The following PTPRG variants were observed in gnomAD, a reference collection of about 807,000 sequenced individuals.
PTPRG encodes the protein protein tyrosine phosphatase receptor type G.
In PTPRG, 102 loss-of-function variants were observed where a neutral mutation model predicts 165.3. That is an observed-to-expected ratio of 0.62 (90% CI 0.53 to 0.73). The LOEUF (loss-of-function observed/expected upper bound fraction) is 0.73. Among genes scored for constraint, PTPRG ranks in the 30% least tolerant of loss-of-function variants. The pLI, the probability that PTPRG is intolerant of heterozygous loss-of-function variation, is 0.00. For synonymous variants in PTPRG, 675 were observed against 669.5 expected (o/e 1.01, Z -0.13); for missense variants, 1,866 against 1,861.4 (o/e 1.00, Z -0.05).
intron 1 of PTPRG, among the ~76,000 whole-genome samples, chr3:61,671,968 T>A (rs200026358): frequency 3.6e-5 from 1 of 27,746 alleles, no homozygotes; most frequent in Admixed American, 3.9e-4. Context: ...CCAGACGGGG[T>A]GGCTGCTGGG....
At chr3:61,943,225 A>C (rs191136476) in intron 2 of PTPRG, among the ~76,000 whole-genome samples, 1 of 152,292 alleles carries the variant, frequency 6.6e-6, no homozygotes, top group East Asian at 1.9e-4. Context: ...TTTTGGTCTA[A>C]CCACATCCTG....
At position 61,785,150 on chromosome 3, in the gene PTPRG, G is replaced by A. The variant is rs1006974380; in HGVS notation, c.190+36168G>A. Among the ~76,000 whole-genome samples, 12 of 152,294 alleles carry A rather than the reference G, an allele frequency of 7.9e-5. 1 individual carries two copies. In the South Asian group the frequency reaches 1.7e-3, roughly 21 times the overall value. On this transcript the variant is annotated intron_variant, in intron 2 of 29. Coordinates refer to ENST00000474889, the MANE Select transcript of PTPRG (RefSeq NM_002841.4). ...ACTGCTAACCATTTTTCCAAGCCAC[G>A]TTTGTGAATTAAGTATAGGTTCTGC...
In PTPRG at chr3:62,229,963, T is replaced by A. The variant is rs746500476; in HGVS notation, c.2289-1262T>A. On this transcript the variant is annotated intron_variant, in intron 13 of 29. Transcript: ENST00000474889. This position sits in a 1 kb window ranked among gnomAD's most constrained non-coding sequence, Gnocchi z 4.6. ...ATTTTAGGAAGCTGCAAATTTCAAG[T>A]TTTTATGAGAATTTGTAAAAACATT... Among the ~76,000 whole-genome samples, 10 of 152,188 alleles carry A rather than the reference T, an allele frequency of 6.6e-5. No homozygotes were observed. The highest frequency in any genetic ancestry group is 1.5e-4 in the Non-Finnish European group (10 of 68,036).
At position 61,991,985 on chromosome 3, in the gene PTPRG, CA is replaced by C. The variant is rs1217925473; in HGVS notation, c.370+2182del. Among the ~76,000 whole-genome samples, 3 of 152,320 alleles carry C rather than the reference CA, an allele frequency of 2.0e-5. No homozygotes were observed. In the East Asian group the frequency reaches 5.8e-4, roughly 29 times the overall value. On this transcript the variant is annotated intron_variant, in intron 3 of 29. Transcript: ENST00000474889. ...TCCTAGAGTGATCCACAACCTGTTGCATATCTCTGAGTGCATGCACTTGATT... is the reference window on the plus strand; with the variant it reads ...TCCTAGAGTGATCCACAACCTGTTGCTATCTCTGAGTGCATGCACTTGATT...
Position 61,897,412 on chromosome 3 carries a change from A to G in PTPRG, c.191-92213A>G, listed in dbSNP as rs182324911. ...GAGTTGAGCATATTTGTTTGAGTCT[A>G]TTTCTGGGTTCTCTCTTCTGTTCCA... On this transcript the variant is annotated intron_variant, in intron 2 of 29. Coordinates refer to ENST00000474889, the MANE Select transcript of PTPRG (RefSeq NM_002841.4). 2.1e-3 allele frequency among the ~76,000 whole-genome samples: 321 copies of G among 152,062 alleles called. 1 individual carries two copies. The highest frequency in any genetic ancestry group is 6.0e-4 in the Non-Finnish European group (41 of 67,968).
chr3:62,053,889 A>C (rs1256786133), intron 4 of PTPRG, among the ~76,000 whole-genome samples: 1 of 152,138 alleles, frequency 6.6e-6, no homozygotes, highest in Admixed American at 6.5e-5. Context: ...TGCAGTGCAA[A>C]ATTTTTTAAA....
chr3:61,673,696 C>G (rs374413591), intron 1 of PTPRG, among the ~76,000 whole-genome samples: 5 of 152,268 alleles, frequency 3.3e-5, no homozygotes, highest in African/African-American at 1.2e-4. Flanking sequence ...ATCCACCACC[C>G]GAGTAATGTA....
chr3:61,650,582 A>G (rs1025923352), intron 1 of PTPRG, among the ~76,000 whole-genome samples: 7 of 152,190 alleles, frequency 4.6e-5, no homozygotes, highest in African/African-American at 1.4e-4. Flanking sequence ...CTGAGTAAGA[A>G]AGAAGTTTTG....
rs201281798 is a variant in PTPRG, at chr3:61,652,606, G to A, written c.85+90234G>A. Among the ~76,000 whole-genome samples the A allele has an allele frequency of 8.4e-4, 3 of 3,590 alleles. No homozygotes were observed. In the Non-Finnish European group the frequency reaches 0.016, roughly 19 times the overall value. The allele number at this position is 3,590 out of a possible 152,430, so 2.4% of individuals were successfully genotyped here. A position where few individuals can be genotyped will look rare whatever the true frequency, so the allele number is the denominator to read the frequency against. On this transcript the variant is annotated intron_variant, in intron 1 of 29. Coordinates refer to ENST00000474889, the MANE Select transcript of PTPRG (RefSeq NM_002841.4). ...CTAGTTACAATATTTTAATATTGTT[G>A]TTAATGTTTCTTTTCTTATTTATAT...
chr3:62,288,049 T>C (rs1046128681), intron 28 of PTPRG, among the ~76,000 whole-genome samples: 3 of 150,668 alleles, frequency 2.0e-5, no homozygotes, highest in Admixed American at 6.6e-5. Flanking sequence ...ATCAAAGATG[T>C]AACCAAAATA....
chr3:61,717,923 A>G (rs1345838281), intron 1 of PTPRG, among the ~76,000 whole-genome samples: 5 of 151,962 alleles, frequency 3.3e-5, no homozygotes, highest in African/African-American at 7.3e-5. Context: ...GCTCACACCT[A>G]TAATCCCAGC....
At chr3:62,113,081 G>C (rs1181924181) in intron 5 of PTPRG, among the ~76,000 whole-genome samples, 1 of 152,196 alleles carries the variant, frequency 6.6e-6, no homozygotes, top group African/African-American at 2.4e-5. Context: ...TGGGAAACCA[G>C]CTTCTTAGGT....
chr3:61,748,991 AGTTGTT>A lies in PTPRG; in HGVS notation c.190+10_190+15del. The A allele has an allele frequency of 6.2e-7, 1 of 1,607,596 alleles. No individual in the cohort carries two copies. Among genetic ancestry groups the A allele is most frequent in the Non-Finnish European group, 8.5e-7 (1 of 1,174,950 alleles). ...GTACTGGGCCTACTCTGGTAAGTCC[AGTTGTT>A]CTAATGGAGATCACACAGGCCAGTT... On this transcript the variant is annotated intron_variant, in intron 2 of 29. Coordinates refer to ENST00000474889, the MANE Select transcript of PTPRG (RefSeq NM_002841.4).
chr3:61,963,741 T>G (rs2040206503), intron 2 of PTPRG, among the ~76,000 whole-genome samples: 1 of 152,194 alleles, frequency 6.6e-6, no homozygotes, highest in Non-Finnish European at 1.5e-5. Context: ...TTAGTTTCTT[T>G]TACCTAAATG....
Position 61,644,521 on chromosome 3 carries a change from C to G in PTPRG, c.85+82149C>G, listed in dbSNP as rs577456107. 3.5e-4 allele frequency among the ~76,000 whole-genome samples: 53 copies of G among 152,256 alleles called. No homozygotes were observed. The South Asian group carries it at 0.011, about 31-fold the overall frequency. ...ATAACTGGTTTGGAAGGGCTTTGAA[C>G]TTGGATCTTGCAAGTCTTAGCTCCA... On this transcript the variant is annotated intron_variant, in intron 1 of 29. Transcript: ENST00000474889.
intron 2 of PTPRG, among the ~76,000 whole-genome samples, chr3:61,849,766 T>A (rs1007336108): frequency 6.6e-6 from 1 of 152,190 alleles, no homozygotes; most frequent in African/African-American, 2.4e-5. Flanking sequence ...CGTATACCCA[T>A]AGCAGGTCCG....
At chr3:61,678,993 G>A (rs1236807930) in intron 1 of PTPRG, among the ~76,000 whole-genome samples, 2 of 151,706 alleles carry the variant, frequency 1.3e-5, no homozygotes, top group Non-Finnish European at 2.9e-5. Flanking sequence ...GTTAAGTGAC[G>A]ACAGTCATCC....
At chr3:61,934,474 C>G (rs2039437324) in intron 2 of PTPRG, among the ~76,000 whole-genome samples, 1 of 151,914 alleles carries the variant, frequency 6.6e-6, no homozygotes, top group South Asian at 2.1e-4. Flanking sequence ...GAATTTTGTT[C>G]TCATCTAGTA....
intron 8 of PTPRG, among the ~76,000 whole-genome samples, chr3:62,182,234 T>C (rs1011810263): frequency 1.3e-5 from 2 of 152,176 alleles, no homozygotes; most frequent in Admixed American, 6.5e-5. Flanking sequence ...ACTTATAAAT[T>C]GACCCATGCA....
Sources: allele counts gnomAD v4.1 joint callset (sites outside exome capture counted in the v4.1 genomes callset), GRCh38; gene constraint gnomAD v4.1.1; non-coding constraint Gnocchi (gnomAD v3.1); transcripts MANE v1.5; gene names NCBI Gene and HGNC (gene_info 2026-07-23, HGNC 2026-07-21).